USP6: variants seen among roughly 807,000 people sequenced by gnomAD.
The protein encoded by USP6 is ubiquitin specific peptidase 6.
USP6 carries 128 observed loss-of-function variants against 175.7 expected under a neutral mutation model. The observed-to-expected ratio is 0.73, with a 90% CI of 0.63 to 0.84. The LOEUF is 0.84. Among genes scored for constraint, USP6 ranks in the 40% least tolerant of loss-of-function variants. The probability of loss-of-function intolerance (pLI) is 0.00; values close to 1 mark genes in which losing one functional copy is unlikely to be tolerated. For synonymous variants in USP6, 562 were observed against 630.6 expected, an observed-to-expected ratio of 0.89 and a Z score of 1.63; for missense variants, 1,498 against 1,760.3, an observed-to-expected ratio of 0.85 and a Z score of 2.67.
In USP6 at chr17:5,144,876, T is replaced by G; in HGVS notation, c.1992+13T>G. The G allele has an allele frequency of 6.3e-7, 1 of 1,584,850 alleles. No homozygotes were observed. The highest frequency in any genetic ancestry group is 8.6e-7 in the Non-Finnish European group (1 of 1,160,308). ...AGTAGCTGCAGAGGTTTGTCAGTTT[T>G]GAGTTTCTAATGTAAGCAATAGACA... On this transcript the variant is annotated intron_variant, in intron 26 of 37. Transcript: ENST00000574788.
chr17:5,154,191 G>A (rs1052183567), intron 30 of USP6, among the ~76,000 whole-genome samples: 1 of 152,182 alleles, frequency 6.6e-6, no homozygotes, highest in Non-Finnish European at 1.5e-5. Context: ...ATGTATTTAA[G>A]CTTAAATGAA....
chr17:5,146,144 A>G lies in USP6; in HGVS notation c.2289A>G (p.Leu763=). Residue 763 remains leucine, a synonymous_variant, in exon 28 of 38, where the codon CTA becomes CTG. Transcript: ENST00000574788. ...GTGGACTTAATTCAGAACAAATCCT[A>G]CTAGCAGAAGTACATGATTCCAACA... ...DLCGLNSEQI[L]LAEVHDSNIK... is the part of the protein sequence containing the mutation. 6.2e-7 allele frequency: 1 copy of G among 1,612,080 alleles called. No homozygotes were observed. Among genetic ancestry groups the G allele is most frequent in the East Asian group, 2.2e-5 (1 of 44,792 alleles).
At chr17:5,142,879 ATAGT>A (rs2073488549) in intron 25 of USP6, among the ~76,000 whole-genome samples, 1 of 152,202 alleles carries the variant, frequency 6.6e-6, no homozygotes, top group Admixed American at 6.5e-5. Context: ...CATAACTAAG[ATAGT>A]TATATCTGTA....
chr17:5,153,645 A>T (rs1433318051), intron 30 of USP6, among the ~76,000 whole-genome samples: 2 of 149,890 alleles, frequency 1.3e-5, no homozygotes, highest in African/African-American at 4.9e-5. Context: ...CCGTTGGCTT[A>T]AAGTTCCTTT....
chr17:5,155,923 G>A (rs2073874271), intron 31 of USP6, among the ~76,000 whole-genome samples: 1 of 152,088 alleles, frequency 6.6e-6, no homozygotes, highest in African/African-American at 2.4e-5. Flanking sequence ...TCCTGCTAAT[G>A]CTTCAAGTAA....
intron 20 of USP6, 139 bp downstream of exon 20, chr17:5,137,889 G>C (rs1288244925): frequency 6.4e-7 from 1 of 1,554,530 alleles, no homozygotes. Context: ...GCTGGGCAGG[G>C]CACTGTGACA....
In USP6 at chr17:5,116,066, C is replaced by T. The variant is rs2072528557; in HGVS notation, c.-2602C>T. On this transcript the variant is annotated 5_prime_UTR_variant, in exon 1 of 38. Coordinates refer to ENST00000574788, the MANE Select transcript of USP6 (RefSeq NM_001304284.2). ...GCGGCGCGGCGGGACGGGCGGGCCCCGACGCCCAGCTCCAAATGCGTGGCC... is the reference window on the plus strand; with the variant it reads ...GCGGCGCGGCGGGACGGGCGGGCCCTGACGCCCAGCTCCAAATGCGTGGCC... Among the ~76,000 whole-genome samples the T allele has an allele frequency of 2.6e-5, 4 of 152,228 alleles. No homozygotes were observed. The South Asian group carries it at 8.3e-4, about 31-fold the overall frequency.
intron 13 of USP6, 80 bp downstream of exon 13, chr17:5,133,070 C>T (rs992438411): frequency 2.0e-5 from 30 of 1,524,844 alleles, no homozygotes; most frequent in East Asian, 2.3e-5. Flanking sequence ...GGCCTGGCAC[C>T]GTCAGCCTCT....
rs1337751526 is a variant in USP6 at position 5,170,600 on chromosome 17, C to A, written c.3639C>A (p.Gly1213=). The A allele has an allele frequency of 1.2e-6, 2 of 1,612,924 alleles. No individual in the cohort carries two copies. The highest frequency in any genetic ancestry group is 8.5e-7 in the Non-Finnish European group (1 of 1,179,872). Residue 1213 remains glycine (G), a synonymous_variant, in exon 36 of 38, where the codon GGC becomes GGA. Coordinates refer to ENST00000574788, the MANE Select transcript of USP6 (RefSeq NM_001304284.2). ...GGAGGCTCCGGCTGCCCCAGATTGG[C>A]AGCAAAAATAAGCCGTCAAGTAGTA... ...SKGRLRLPQI[G]SKNKPSSSKK...
intron 22 of USP6, 132 bp from the exon 23 acceptor site, chr17:5,141,293 G>A (rs2073438257): frequency 1.6e-5 from 12 of 737,454 alleles, no homozygotes; most frequent in Non-Finnish European, 2.5e-5. Flanking sequence ...AGCAATGCAT[G>A]TACTAAAATT....
chr17:5,131,536 C>G (rs975715023), intron 11 of USP6, among the ~76,000 whole-genome samples: 5 of 150,642 alleles, frequency 3.3e-5, no homozygotes, highest in African/African-American at 1.2e-4. Context: ...TGTTCTCCCC[C>G]ATGTCCTTAT....
rs2073863444 is a variant in USP6, at chr17:5,155,521, GA to G, written c.2744del (p.Asp915AlafsTer13). On this transcript the variant is annotated frameshift_variant, in exon 31 of 38. Transcript: ENST00000574788. LOFTEE classifies it high-confidence loss of function. ...ATGCACTGTGCATACCCGGAAGAAAGACCTATATGATGCGGTTTGGATTCAA... is the reference window on the plus strand; with the variant it reads ...ATGCACTGTGCATACCCGGAAGAAAGCCTATATGATGCGGTTTGGATTCAA... ...VPCTVHTRKK[D>X]LYDAVWIQVS... 6.2e-7 allele frequency: 1 copy of G among 1,613,964 alleles called. No homozygotes were observed. Among genetic ancestry groups the G allele is most frequent in the African/African-American group, 1.3e-5 (1 of 74,904 alleles).
intron 30 of USP6, among the ~76,000 whole-genome samples, chr17:5,154,829 A>C (rs1218306738): frequency 6.6e-6 from 1 of 152,056 alleles, no homozygotes. Context: ...AACTTGCCAG[A>C]CTCAAGCAAT....
At chr17:5,169,724 G>A (rs1397925169) in intron 35 of USP6, among the ~76,000 whole-genome samples, 1 of 152,206 alleles carries the variant, frequency 6.6e-6, no homozygotes, top group Non-Finnish European at 1.5e-5. Flanking sequence ...TTACAGGTGT[G>A]AGCCACTGTG....
chr17:5,120,135 G>A (rs184712727), intron 2 of USP6, among the ~76,000 whole-genome samples: 3 of 152,284 alleles, frequency 2.0e-5, no homozygotes, highest in Admixed American at 1.3e-4. Context: ...CAGGACACCC[G>A]GAAGGTGTTT....
intron 8 of USP6, 119 bp from the exon 9 acceptor site, chr17:5,129,817 C>T (rs1288783253): frequency 6.1e-6 from 1 of 163,560 alleles, no homozygotes; most frequent in African/African-American, 2.4e-5. Context: ...ACCAAACACA[C>T]TCCTGCTCAA....
At chr17:5,156,336 T>G (rs1373776875) in intron 31 of USP6, among the ~76,000 whole-genome samples, 1 of 152,128 alleles carries the variant, frequency 6.6e-6, no homozygotes, top group Non-Finnish European at 1.5e-5. Flanking sequence ...TGACAGAGTT[T>G]TGCTCTTGTT....
chr17:5,153,411 C>T (rs1475019336), intron 30 of USP6, among the ~76,000 whole-genome samples: 2 of 151,952 alleles, frequency 1.3e-5, no homozygotes, highest in Non-Finnish European at 2.9e-5. Context: ...CTCGGCCTCC[C>T]GAGTAGCTGG....
chr17:5,136,018 C>T, intron 17 of USP6, 90 bp downstream of exon 17: 1 of 1,584,730 alleles, frequency 6.3e-7, no homozygotes, highest in Non-Finnish European at 8.5e-7. Context: ...CCAAGGCACA[C>T]TCCTTGTGTT....
Sources: allele counts gnomAD v4.1 joint callset (sites outside exome capture counted in the v4.1 genomes callset), GRCh38; gene constraint gnomAD v4.1.1; transcripts MANE v1.5; gene names NCBI Gene and HGNC (gene_info 2026-07-23, HGNC 2026-07-21).